Variants in ZDHHC11B observed in about 807,000 individuals in gnomAD.
ZDHHC11B encodes the protein zDHHC palmitoyltransferase 11B (putative).
ZDHHC11B carries 17 observed loss-of-function variants against 42.3 expected under a neutral mutation model. The ratio of observed to expected loss-of-function variants is 0.40; its 90% CI spans 0.27 to 0.60. ZDHHC11B has a LOEUF of 0.60. Among genes scored for constraint, ZDHHC11B ranks in the 20% least tolerant of loss-of-function variants. ZDHHC11B has a pLI of 0.41. For synonymous variants in ZDHHC11B, 123 were observed against 193.5 expected (o/e 0.64, Z 3.02); for missense variants, 262 against 463.2 (o/e 0.57, Z 3.99).
chr5:742,291 C>T (rs1744246692), intron 9 of ZDHHC11B, among the ~76,000 whole-genome samples: 1 of 143,522 alleles, frequency 7.0e-6, no homozygotes, highest in Non-Finnish European at 1.5e-5. Context: ...CCCTCTTGCC[C>T]ATTTGAAAAA....
chr5:737,705 G>C (rs1743697350), intron 10 of ZDHHC11B, among the ~76,000 whole-genome samples: 1 of 149,470 alleles, frequency 6.7e-6, no homozygotes, highest in Non-Finnish European at 1.5e-5. Flanking sequence ...CAAAAAATCA[G>C]AGATCATCTC....
chr5:734,291 G>A (rs3888974), intron 10 of ZDHHC11B, among the ~76,000 whole-genome samples: 3,975 of 116,144 alleles, frequency 0.034, 68 homozygotes, highest in African/African-American at 0.16. Flanking sequence ...TTTGGAAGAT[G>A]CCATAGGCCA....
chr5:767,860 C>T (rs1300180520), intron 2 of ZDHHC11B, among the ~76,000 whole-genome samples: 2 of 24,844 alleles, frequency 8.1e-5, no homozygotes, highest in East Asian at 1.5e-3. Context: ...CCAACACACA[C>T]CGCAGGGACC....
At chr5:777,687 T>C (rs968670200) in intron 1 of ZDHHC11B, among the ~76,000 whole-genome samples, 3 of 151,938 alleles carry the variant, frequency 2.0e-5, no homozygotes, top group Non-Finnish European at 2.9e-5. Flanking sequence ...AGAGTGCTGA[T>C]TGGTGCATTG....
rs1235892638 is a variant in ZDHHC11B, at chr5:743,650, C to G, written c.900+1533G>C. Among the ~76,000 whole-genome samples, 3 of 149,688 alleles carry G rather than the reference C, an allele frequency of 2.0e-5. 1 individual carries two copies. The Admixed American group carries it at 2.0e-4, about 10-fold the overall frequency. On this transcript the variant is annotated intron_variant, in intron 9 of 13. Coordinates refer to ENST00000508859, the MANE Select transcript of ZDHHC11B (RefSeq NM_001351303.2). ...AGGTTTGTTAAATTTATTCTTTTTT[C>G]ATTAGATTATGAAAGGAAGTTTTAA...
At chr5:762,761 A>G (rs1734787895) in intron 4 of ZDHHC11B, among the ~76,000 whole-genome samples, 1 of 151,894 alleles carries the variant, frequency 6.6e-6, no homozygotes, top group Non-Finnish European at 1.5e-5. Context: ...TAGAAAAAAA[A>G]GCAAAGTAAA....
chr5:717,214 C>T (rs1402964895), intron 12 of ZDHHC11B, among the ~76,000 whole-genome samples: 1 of 151,182 alleles, frequency 6.6e-6, no homozygotes, highest in Non-Finnish European at 1.5e-5. Flanking sequence ...CAGCTCATGC[C>T]TGGTACCTTC....
At position 775,768 on chromosome 5, in the gene ZDHHC11B, T is replaced by C. The variant is rs1293123229; in HGVS notation, c.-229-6838A>G. On this transcript the variant is annotated intron_variant, in intron 1 of 13. Transcript: ENST00000508859. The stretch of plus-strand genomic sequence containing the variant: ...CTGGCAGGGGCCATGCTGGCTCAGA[T>C]GCCTCTCTCCAACCCCTTCCTTCCA... 6.7e-4 allele frequency among the ~76,000 whole-genome samples: 102 copies of C among 151,612 alleles called. 6 individuals are homozygous for C. The highest frequency in any genetic ancestry group is 1.6e-4 in the Non-Finnish European group (11 of 67,878).
chr5:770,283 A>G (rs1245630202), intron 1 of ZDHHC11B, among the ~76,000 whole-genome samples: 1 of 150,142 alleles, frequency 6.7e-6, no homozygotes, highest in Non-Finnish European at 1.5e-5. Context: ...CCTTGGAGCC[A>G]GCTGCCCCGC....
At chr5:727,636 G>T (rs564829197) in intron 12 of ZDHHC11B, among the ~76,000 whole-genome samples, 15 of 142,708 alleles carry the variant, frequency 1.1e-4, no homozygotes, top group South Asian at 4.9e-4. Flanking sequence ...TGTAGAAACA[G>T]ATCTGAGTCT....
chr5:756,221 A>G, intron 4 of ZDHHC11B, 77 bp from the exon 5 acceptor site: 1 of 1,527,154 alleles, frequency 6.5e-7, no homozygotes, highest in South Asian at 1.2e-5. Context: ...CCAAGGTCCC[A>G]GAAGAGGCGT....
intron 12 of ZDHHC11B, among the ~76,000 whole-genome samples, chr5:725,760 T>C (rs1222510602): frequency 6.6e-6 from 1 of 151,686 alleles, no homozygotes; most frequent in Non-Finnish European, 1.5e-5. Context: ...GGCTCCAAAG[T>C]TCCAGACAAG....
chr5:716,200 C>A (rs1741738312), intron 13 of ZDHHC11B, among the ~76,000 whole-genome samples: 1 of 151,024 alleles, frequency 6.6e-6, no homozygotes, highest in Non-Finnish European at 1.5e-5. Context: ...GGAGAGCATG[C>A]CCCTCTGTTT....
intron 6 of ZDHHC11B, among the ~76,000 whole-genome samples, chr5:754,322 C>T (rs5028819): frequency 0.81 from 25,894 of 32,036 alleles, 11,328 homozygotes; most frequent in African/African-American, 0.9. Context: ...GCCTCCACCA[C>T]GCTCAGGGGA....
Position 778,197 on chromosome 5 carries a change from C to A in ZDHHC11B, c.-230+6471G>T, listed in dbSNP as rs551429662. Among the ~76,000 whole-genome samples the A allele has an allele frequency of 1.8e-4, 27 of 151,854 alleles. 2 individuals are homozygous for A. In the South Asian group the frequency reaches 4.8e-3, roughly 27 times the overall value. On this transcript the variant is annotated intron_variant, in intron 1 of 13. Coordinates refer to ENST00000508859, the MANE Select transcript of ZDHHC11B (RefSeq NM_001351303.2). Reference sequence around the variant, plus strand: ...CCAGTGCCCACCACCCGGGCCAACACCATTTCTCTAAAGCACGACACAGGA... The same window carrying A: ...CCAGTGCCCACCACCCGGGCCAACAACATTTCTCTAAAGCACGACACAGGA...
chr5:744,347 C>T (rs1374498162), intron 9 of ZDHHC11B, among the ~76,000 whole-genome samples: 5 of 149,480 alleles, frequency 3.3e-5, no homozygotes, highest in African/African-American at 1.2e-4. Flanking sequence ...GCTTCCTTCT[C>T]TGTTTTCTGA....
intron 12 of ZDHHC11B, among the ~76,000 whole-genome samples, chr5:721,902 C>T (rs1344545718): frequency 6.6e-6 from 1 of 151,624 alleles, no homozygotes; most frequent in Non-Finnish European, 1.5e-5. Flanking sequence ...GACTAGACAG[C>T]CCAGAAATAG....
At chr5:741,411 G>A (rs1253789462) in intron 10 of ZDHHC11B, among the ~76,000 whole-genome samples, 183 bp downstream of exon 10, 1 of 147,118 alleles carries the variant, frequency 6.8e-6, no homozygotes, top group Admixed American at 7.0e-5. Flanking sequence ...CAAGCACATC[G>A]AGATAGATAA....
chr5:739,935 A>C (rs1275265860), intron 10 of ZDHHC11B, among the ~76,000 whole-genome samples: 30 of 151,714 alleles, frequency 2.0e-4, no homozygotes, highest in African/African-American at 6.3e-4. Context: ...ATACCATGGA[A>C]TACTACTCAG....
Sources: gnomAD v4.1 joint callset for allele counts (sites outside exome capture counted in the v4.1 genomes callset) on GRCh38, gnomAD v4.1.1 for gene constraint, MANE v1.5 for transcripts, NCBI Gene and HGNC (gene_info 2026-07-23, HGNC 2026-07-21) for gene names.